Variants in OR2C1 observed in about 807,000 individuals in gnomAD.
OR2C1 encodes the protein olfactory receptor family 2 subfamily C member 1.
For synonymous variants in OR2C1, 209 were observed against 167.3 expected, an observed-to-expected ratio of 1.25 and a Z score of -1.92; for missense variants, 468 against 388.3, an observed-to-expected ratio of 1.21 and a Z score of -1.73.
the OR2C1 span, among the ~76,000 whole-genome samples, chr16:3,337,114 CA>C: frequency 1.3e-5 from 2 of 151,770 alleles, no homozygotes; most frequent in Non-Finnish European, 2.9e-5. Context: ...CTCAGCCTCC[CA>C]AAGTGCTAAG....
chr16:3,323,830 C>T, the OR2C1 span: 1 of 1,173,186 alleles, frequency 8.5e-7, no homozygotes, highest in Non-Finnish European at 1.2e-6. Context: ...AAAGTGCCTG[C>T]TTTGTCTGAG....
the OR2C1 span, among the ~76,000 whole-genome samples, chr16:3,345,820 C>T: frequency 0.022 from 2,756 of 124,648 alleles, 92 homozygotes; most frequent in African/African-American, 0.069. Context: ...TCCTTCCTTC[C>T]TTCCTTCCTT....
At chr16:3,352,599 A>G (rs2030589250), upstream of OR2C1, among the ~76,000 whole-genome samples, 1 of 151,780 alleles carries the variant, frequency 6.6e-6, no homozygotes. Flanking sequence ...TAAGATTCAA[A>G]CTCCCCCATT....
At chr16:3,345,205 A>G in the OR2C1 span, among the ~76,000 whole-genome samples, 1 of 152,116 alleles carries the variant, frequency 6.6e-6, no homozygotes, top group Non-Finnish European at 1.5e-5. Context: ...GCGGTGGTTC[A>G]TGCCTGTAAT....
At chr16:3,327,889 G>A in the OR2C1 span, among the ~76,000 whole-genome samples, 1 of 151,786 alleles carries the variant, frequency 6.6e-6, no homozygotes, top group African/African-American at 2.4e-5. Flanking sequence ...AATATTCAAA[G>A]CATTAAAATT....
chr16:3,343,825 A>C, the OR2C1 span, among the ~76,000 whole-genome samples: 1 of 152,232 alleles, frequency 6.6e-6, no homozygotes, highest in African/African-American at 2.4e-5. Flanking sequence ...TTATATCAAT[A>C]TTAAGGATTT....
chr16:3,333,991 G>C, the OR2C1 span, among the ~76,000 whole-genome samples: 2 of 151,804 alleles, frequency 1.3e-5, no homozygotes, highest in South Asian at 2.1e-4. Context: ...GGGTGGTGGG[G>C]GGACAGGGTC....
the OR2C1 span, among the ~76,000 whole-genome samples, chr16:3,324,769 G>A: frequency 4.0e-5 from 6 of 151,768 alleles, no homozygotes; most frequent in East Asian, 1.9e-4. Flanking sequence ...ACACACACAC[G>A]TATATATATG....
At chr16:3,336,927 C>T in the OR2C1 span, among the ~76,000 whole-genome samples, 31 of 150,762 alleles carry the variant, frequency 2.1e-4, no homozygotes, top group South Asian at 2.1e-4. Context: ...AGGCTGGTCT[C>T]GAACTCCCGA....
At chr16:3,355,860 C>G, upstream of OR2C1, 1 of 991,888 alleles carries the variant, frequency 1.0e-6, no homozygotes. Flanking sequence ...GCAAATCCAC[C>G]TCATCCAACA....
At chr16:3,354,878 C>T (rs1267601302), upstream of OR2C1, among the ~76,000 whole-genome samples, 2 of 152,124 alleles carry the variant, frequency 1.3e-5, no homozygotes, top group African/African-American at 4.8e-5. Flanking sequence ...GATCCTCCCA[C>T]CTCAGCCTCT....
At chr16:3,338,404 A>G in the OR2C1 span, among the ~76,000 whole-genome samples, 1 of 152,146 alleles carries the variant, frequency 6.6e-6, no homozygotes, top group Non-Finnish European at 1.5e-5. Context: ...CAGTGTAGAA[A>G]CCATGAGTTA....
the OR2C1 span, among the ~76,000 whole-genome samples, chr16:3,331,562 G>T: frequency 6.7e-6 from 1 of 150,214 alleles, no homozygotes; most frequent in East Asian, 1.9e-4. Flanking sequence ...ATTGATTTTT[G>T]TATAAGGTGT....
At chr16:3,346,605 A>T in the OR2C1 span, among the ~76,000 whole-genome samples, 1 of 149,360 alleles carries the variant, frequency 6.7e-6, no homozygotes, top group African/African-American at 2.5e-5. Context: ...AAAATATTTT[A>T]ATGAAAATGT....
chr16:3,342,318 G>A, the OR2C1 span, among the ~76,000 whole-genome samples: 3 of 152,264 alleles, frequency 2.0e-5, no homozygotes, highest in East Asian at 1.9e-4. Flanking sequence ...AATAGATTAT[G>A]TCAATATTAA....
the OR2C1 span, among the ~76,000 whole-genome samples, chr16:3,345,363 G>A: frequency 6.6e-6 from 1 of 151,904 alleles, no homozygotes; most frequent in African/African-American, 2.4e-5. Flanking sequence ...GCGGGCACCT[G>A]TAGTCCCAGC....
downstream of OR2C1, among the ~76,000 whole-genome samples, chr16:3,357,679 C>T (rs2030704726): frequency 6.6e-6 from 1 of 152,172 alleles, no homozygotes. Context: ...TGGCCTGTCT[C>T]TTCTTAATAA....
rs2030677051 is a variant in OR2C1 at position 3,356,422 on chromosome 16, C to G, written c.482C>G (p.Thr161Arg). 1 of 1,613,938 alleles carries G rather than the reference C, an allele frequency of 6.2e-7. No individual in the cohort carries two copies. Among genetic ancestry groups the G allele is most frequent in the East Asian group, 2.2e-5 (1 of 44,888 alleles). ...TTGGGCAACTCTGTGATCCAGTCAA[C>G]ATTCACTCTGCAGCTCCCATTGTGT... ...GGLGNSVIQSTFTLQLPLCGH... is the reference protein window; with the variant it reads ...GGLGNSVIQSRFTLQLPLCGH... Residue 161 changes from threonine (T) to arginine (R), a missense_variant, in exon 1 of 1, where the codon ACA becomes AGA. Thr to Arg is a moderately conservative substitution (Grantham distance 71). Transcript: ENST00000304936.
the OR2C1 span, chr16:3,324,031 T>A: frequency 1.6e-4 from 66 of 422,114 alleles, 1 homozygote; most frequent in East Asian, 1.8e-3. Flanking sequence ...ATTTGTACAA[T>A]CAACTGAATG....
Sources: allele counts gnomAD v4.1 joint callset (sites outside exome capture counted in the v4.1 genomes callset), GRCh38; gene constraint gnomAD v4.1.1; transcripts MANE v1.5; gene names NCBI Gene and HGNC (gene_info 2026-07-23, HGNC 2026-07-21).